The following AP2A1 variants were observed in gnomAD, a reference collection of about 807,000 sequenced individuals.
AP2A1 encodes AP-2 complex subunit alpha-1.
A neutral mutation model predicts 107.3 loss-of-function variants in AP2A1; 21 were observed. The ratio of observed to expected loss-of-function variants is 0.20; its 90% CI spans 0.14 to 0.28. The LOEUF (loss-of-function observed/expected upper bound fraction) is 0.28, where lower values mean the gene tolerates loss of function less well. AP2A1 is among the 10% of genes least tolerant of loss of function. The probability of loss-of-function intolerance (pLI) is 1.00; values close to 1 mark genes in which losing one functional copy is unlikely to be tolerated. For missense variants in AP2A1, 873 were observed against 1,307.7 expected (o/e 0.67, Z 5.13); for synonymous variants, 602 against 564.8 (o/e 1.07, Z -0.93).
chr19:49,805,345 T>A, intron 18 of AP2A1, 108 bp from the exon 19 acceptor site: 2 of 1,265,076 alleles, frequency 1.6e-6, no homozygotes, highest in Non-Finnish European at 2.1e-6. Context: ...CACCATGGGG[T>A]CCCTCAAAGA....
intron 11 of AP2A1, 141 bp downstream of exon 11, chr19:49,800,291 C>T (rs2073261773): frequency 2.9e-6 from 3 of 1,047,100 alleles, no homozygotes; most frequent in Non-Finnish European, 1.4e-6. Context: ...GGGCCTCTGC[C>T]TCTCTGGGCC....
chr19:49,798,325 G>C (rs1423318984), intron 7 of AP2A1, among the ~76,000 whole-genome samples: 1 of 152,204 alleles, frequency 6.6e-6, no homozygotes, highest in African/African-American at 2.4e-5. Context: ...GGCACCGAGT[G>C]TGCCTGCAGT....
chr19:49,783,185 A>G (rs1479553882), intron 4 of AP2A1, among the ~76,000 whole-genome samples: 4 of 152,216 alleles, frequency 2.6e-5, no homozygotes, highest in Non-Finnish European at 5.9e-5. Context: ...TGGTGATGGA[A>G]GAATTGCAGG....
At chr19:49,776,508 C>G (rs916282602) in intron 1 of AP2A1, among the ~76,000 whole-genome samples, 4 of 152,170 alleles carry the variant, frequency 2.6e-5, no homozygotes, top group African/African-American at 9.7e-5. Flanking sequence ...AGGGATGCCT[C>G]GAGAGCAGGG....
At chr19:49,795,277 C>T (rs1299953609) in intron 6 of AP2A1, among the ~76,000 whole-genome samples, 1 of 152,232 alleles carries the variant, frequency 6.6e-6, no homozygotes, top group Non-Finnish European at 1.5e-5. Context: ...GATCAACCAG[C>T]CGGGCTTAGT....
intron 19 of AP2A1, 21 bp downstream of exon 19, chr19:49,805,597 C>T (rs1030557203): frequency 6.4e-7 from 1 of 1,561,708 alleles, no homozygotes; most frequent in East Asian, 2.4e-5. Flanking sequence ...TACGGCGCGG[C>T]CGGTGGGCGG....
At chr19:49,793,780 C>T (rs996094201) in intron 6 of AP2A1, among the ~76,000 whole-genome samples, 4 of 151,618 alleles carry the variant, frequency 2.6e-5, no homozygotes, top group Admixed American at 2.6e-4. Flanking sequence ...TTCCTGGGGG[C>T]GGCGATCCCA....
At chr19:49,795,116 C>T (rs2073195737) in intron 6 of AP2A1, among the ~76,000 whole-genome samples, 1 of 152,230 alleles carries the variant, frequency 6.6e-6, no homozygotes, top group African/African-American at 2.4e-5. Flanking sequence ...GAAACAGCCT[C>T]CAGGAGCCGG....
chr19:49,799,428 T>C lies in AP2A1; in HGVS notation c.1067T>C (p.Leu356Pro). Residue 356 changes from leucine (L) to proline (P), a missense_variant, in exon 9 of 23, where the codon CTG becomes CCG. This residue lies in a region of AP2A1 where 213 missense variants were observed against 443.5 expected (regional missense o/e 0.48). Transcript: ENST00000354293. ...CTGGCCCTGGAGAGCATGTGCACGC[T>C]GGCCAGCTCCGAGTTCTCCCATGAA... is the stretch of plus-strand genomic sequence containing the variant. ...RYLALESMCT[L>P]ASSEFSHEAV... The C allele has an allele frequency of 6.2e-7, 1 of 1,611,920 alleles. No homozygotes were observed. Among genetic ancestry groups the C allele is most frequent in the Non-Finnish European group, 8.5e-7 (1 of 1,179,334 alleles).
At chr19:49,781,447 A>G (rs548111964) in intron 1 of AP2A1, among the ~76,000 whole-genome samples, 1 of 152,174 alleles carries the variant, frequency 6.6e-6, no homozygotes, top group African/African-American at 2.4e-5. Context: ...TGGGGACAGG[A>G]GCTCTCAGGG....
intron 18 of AP2A1, chr19:49,805,252 A>G: frequency 1.8e-6 from 1 of 563,772 alleles, no homozygotes; most frequent in South Asian, 3.1e-5. Flanking sequence ...GTGGAAGGCC[A>G]AAGGAGGCAC....
rs750080984 is a variant in AP2A1, at chr19:49,805,683, C to T, written c.2491C>T (p.Leu831Phe). 1.1e-5 allele frequency: 18 copies of T among 1,565,702 alleles called. No homozygotes were observed. The East Asian group carries it at 4.1e-4, about 36-fold the overall frequency. Residue 831 changes from leucine (L) to phenylalanine (F), a missense_variant, in exon 20 of 23, where the codon CTC becomes TTC. This residue lies in a region of AP2A1 where 416 missense variants were observed against 473.4 expected (regional missense o/e 0.88). Transcript: ENST00000354293. ...RFRYGGAPQA[L>F]TLKLPVTINK... ...CAGGTACGGTGGCGCCCCCCAGGCCCTCACCCTGAAGCTCCCAGTGACCAT... is the reference window on the plus strand; with the variant it reads ...CAGGTACGGTGGCGCCCCCCAGGCCTTCACCCTGAAGCTCCCAGTGACCAT...
intron 4 of AP2A1, among the ~76,000 whole-genome samples, chr19:49,783,646 G>C (rs1391128444): frequency 6.6e-6 from 1 of 152,222 alleles, no homozygotes; most frequent in Non-Finnish European, 1.5e-5. Flanking sequence ...GAGAAGCCGG[G>C]CACCCAAGCA....
chr19:49,778,194 G>A (rs1018592399), intron 1 of AP2A1, among the ~76,000 whole-genome samples: 13 of 152,174 alleles, frequency 8.5e-5, no homozygotes, highest in African/African-American at 2.9e-4. Context: ...TTTTGTTGTG[G>A]TGTGAACATC....
At chr19:49,786,570 G>A (rs945367726) in intron 4 of AP2A1, among the ~76,000 whole-genome samples, 3 of 152,224 alleles carry the variant, frequency 2.0e-5, no homozygotes, top group Non-Finnish European at 4.4e-5. Flanking sequence ...TGGCCCTGGT[G>A]CAGCCCAGCG....
intron 7 of AP2A1, chr19:49,797,406 G>T (rs2073225932): frequency 6.6e-6 from 1 of 152,168 alleles, no homozygotes. Flanking sequence ...GTAAATTACA[G>T]ACATCATGAT....
In AP2A1 at chr19:49,791,830, C is replaced by T. The variant is rs569765945; in HGVS notation, c.474-105C>T. On this transcript the variant is annotated intron_variant, in intron 4 of 22. Transcript: ENST00000354293. ...CGGCCGCCTGGCTGTCTGTCCCTCT[C>T]GCTGGCCTCGCACACCCTTCCTGGG... 48 of 1,435,452 alleles carry T rather than the reference C, an allele frequency of 3.3e-5. No individual in the cohort carries two copies. In the Middle Eastern group the frequency reaches 9.4e-4, roughly 28 times the overall value. The allele number at this position is 1,435,452 out of a possible 1,614,324, so 88.9% of individuals were successfully genotyped here. A position where few individuals can be genotyped will look rare whatever the true frequency, so the allele number is the denominator to read the frequency against.
At position 49,802,043 on chromosome 19, in the gene AP2A1, C is replaced by G. The variant is rs1407704433; in HGVS notation, c.2016C>G (p.Pro672=). The G allele has an allele frequency of 6.3e-7, 1 of 1,578,714 alleles. No individual in the cohort carries two copies. Among genetic ancestry groups the G allele is most frequent in the East Asian group, 2.3e-5 (1 of 43,586 alleles). ...GLRAAPPPAA[P]PASAGAGNLL... Reference sequence around the variant, plus strand: ...GGGCAGCCCCTCCCCCGGCAGCACCCCCGGCTTCTGCAGGAGCAGGGAACC... The same window carrying G: ...GGGCAGCCCCTCCCCCGGCAGCACCGCCGGCTTCTGCAGGAGCAGGGAACC... The change falls in exon 15 of 23, where the codon CCC becomes CCG. Residue 672 remains proline, a synonymous_variant. Transcript: ENST00000354293.
At position 49,800,185 on chromosome 19, in the gene AP2A1, G is replaced by T. The variant is rs779680239; in HGVS notation, c.1455+35G>T. 1.9e-6 allele frequency: 3 copies of T among 1,575,160 alleles called. No homozygotes were observed. In the South Asian group the frequency reaches 3.4e-5, roughly 18 times the overall value. On this transcript the variant is annotated intron_variant, in intron 11 of 22. Coordinates refer to ENST00000354293, the MANE Select transcript of AP2A1 (RefSeq NM_130787.3). ...CCTGACCCTGACCCTATGACCCCAC[G>T]ACAGGACCTAGAGGCAGAGCAAGGA...
Sources: allele counts gnomAD v4.1 joint callset (sites outside exome capture counted in the v4.1 genomes callset), GRCh38; gene constraint gnomAD v4.1.1; regional missense constraint gnomAD v4.1.1; transcripts MANE v1.5; gene names NCBI Gene and HGNC (gene_info 2026-07-23, HGNC 2026-07-21).